The following SOS1 variants were observed in gnomAD, a reference collection of about 807,000 sequenced individuals.
SOS1 encodes the protein SOS Ras/Rac guanine nucleotide exchange factor 1, also known as son of sevenless homolog 1.
SOS1 carries 25 observed loss-of-function variants against 157.6 expected under a neutral mutation model. The ratio of observed to expected loss-of-function variants is 0.16; its 90% CI spans 0.12 to 0.22. The LOEUF (loss-of-function observed/expected upper bound fraction) is 0.22. Ranked by LOEUF, SOS1 falls within the 10% of genes least tolerant of loss-of-function variation. The pLI, the probability that SOS1 is intolerant of heterozygous loss-of-function variation, is 1.00. For missense variants in SOS1, 1,237 were observed against 1,599.1 expected, an observed-to-expected ratio of 0.77 and a Z score of 3.86; for synonymous variants, 528 against 534.0, an observed-to-expected ratio of 0.99 and a Z score of 0.16.
At chr2:39,004,083 G>A (rs1669200778) in intron 17 of SOS1, among the ~76,000 whole-genome samples, 1 of 152,156 alleles carries the variant, frequency 6.6e-6, no homozygotes, top group African/African-American at 2.4e-5. Flanking sequence ...AACTGTGGCA[G>A]GGGTATAGGA....
At chr2:39,034,681 A>G in intron 8 of SOS1, 2 of 361,454 alleles carry the variant, frequency 5.5e-6, no homozygotes, top group Non-Finnish European at 1.1e-5. Context: ...ATTTTTACTG[A>G]GATTACAGAA....
At chr2:39,036,383 C>T (rs1670344189) in intron 6 of SOS1, among the ~76,000 whole-genome samples, 1 of 152,080 alleles carries the variant, frequency 6.6e-6, no homozygotes, top group African/African-American at 2.4e-5. Flanking sequence ...CTTGGTCTTA[C>T]TCTGTCACCC....
At position 39,064,741 on chromosome 2, in the gene SOS1, C is replaced by CTTTT. The variant is rs1558496540; in HGVS notation, c.213+2886_213+2887insAAAA. Among the ~76,000 whole-genome samples the CTTTT allele has an allele frequency of 1.6e-3, 80 of 49,010 alleles. 1 individual carries two copies. The highest frequency in any genetic ancestry group is 7.3e-3 in the Admixed American group (29 of 3,998). 32.2% of individuals were successfully genotyped at this position (49,010 alleles called of 152,430 possible). A position where few individuals can be genotyped will look rare whatever the true frequency, so the allele number is the denominator to read the frequency against. On this transcript the variant is annotated intron_variant, in intron 2 of 22. Coordinates refer to ENST00000402219, the MANE Select transcript of SOS1 (RefSeq NM_005633.4). ...TTCAGATTGATCTATTTTTAAAATA[C>CTTTT]ATTTTTTTTTTTTTTTTTTTTTTTG...
At chr2:39,103,505 T>A in intron 1 of SOS1, among the ~76,000 whole-genome samples, 1 of 152,218 alleles carries the variant, frequency 6.6e-6, no homozygotes, top group East Asian at 1.9e-4. Context: ...GATACATCTA[T>A]GACCAACTGA....
intron 1 of SOS1, among the ~76,000 whole-genome samples, chr2:39,109,875 G>T (rs1040782450): frequency 6.6e-5 from 10 of 152,084 alleles, no homozygotes; most frequent in African/African-American, 2.4e-4. Context: ...CATTCAAAAA[G>T]ATCTAGAAAT....
At chr2:39,083,112 A>C (rs1672264641) in intron 1 of SOS1, among the ~76,000 whole-genome samples, 1 of 152,186 alleles carries the variant, frequency 6.6e-6, no homozygotes, top group Non-Finnish European at 1.5e-5. Context: ...TTACATTTCT[A>C]GAGCAATGTT....
chr2:38,986,208 G>A lies in SOS1; in HGVS notation c.3618C>T (p.Asp1206=). 1.2e-6 allele frequency: 2 copies of A among 1,613,918 alleles called. No homozygotes were observed. The highest frequency in any genetic ancestry group is 1.7e-6 in the Non-Finnish European group (2 of 1,179,900). Residue 1206 remains aspartate, a synonymous_variant, in exon 23 of 23, where the codon GAC becomes GAT. Coordinates refer to ENST00000402219, the MANE Select transcript of SOS1 (RefSeq NM_005633.4). ...YSISDRTSIS[D]PPESPPLLPP... is the part of the protein sequence containing the mutation. ...GTAATAAGGGAGGGCTTTCAGGAGG[G>A]TCTGAGATAGAGGTCCGGTCTGATA...
At chr2:39,002,660 G>A (rs181109847) in intron 17 of SOS1, among the ~76,000 whole-genome samples, 5 of 152,294 alleles carry the variant, frequency 3.3e-5, no homozygotes, top group Admixed American at 3.3e-4. Context: ...TATATCCAGA[G>A]CCTTTCCAGT....
intron 1 of SOS1, among the ~76,000 whole-genome samples, chr2:39,099,853 C>G (rs1392805870): frequency 6.6e-6 from 1 of 152,156 alleles, no homozygotes; most frequent in Non-Finnish European, 1.5e-5. Flanking sequence ...ATGCTCCTGC[C>G]TCAGCCTCTG....
chr2:38,995,270 T>G lies in SOS1; in HGVS notation c.3199A>C (p.Arg1067=). 1 of 1,614,006 alleles carries G rather than the reference T, an allele frequency of 6.2e-7. No homozygotes were observed. Among genetic ancestry groups the G allele is most frequent in the Non-Finnish European group, 8.5e-7 (1 of 1,179,906 alleles). ...CTTTCTGTTTCACTTTCAGGGATCC[T>G]ACTATAACTAATTTTCCTTGGCTCC... ...QQEPRKISYS[R]IPESETESTA... is the part of the protein sequence containing the mutation. The change falls in exon 20 of 23, where the codon AGG becomes CGG. Residue 1067 remains arginine, a synonymous_variant. Transcript: ENST00000402219.
intron 1 of SOS1, among the ~76,000 whole-genome samples, chr2:39,097,218 A>G (rs192258927): frequency 6.6e-6 from 1 of 152,266 alleles, no homozygotes; most frequent in African/African-American, 2.4e-5. Context: ...CCATGACTAT[A>G]TAACACTTTA....
intron 17 of SOS1, among the ~76,000 whole-genome samples, chr2:39,001,976 A>T (rs1295013310): frequency 6.6e-6 from 1 of 152,234 alleles, no homozygotes; most frequent in African/African-American, 2.4e-5. Context: ...AAAACACCTT[A>T]TGAAATCATA....
chr2:39,010,605 T>G lies in SOS1; in HGVS notation c.2489A>C (p.Asn830Thr). 5.0e-6 allele frequency: 8 copies of G among 1,610,970 alleles called. No homozygotes were observed. The highest frequency in any genetic ancestry group is 1.1e-5 in the South Asian group (1 of 91,014). Residue 830 changes from asparagine to threonine, a missense_variant, in exon 15 of 23, where the codon AAC becomes ACC. Physicochemically the swap from Asn to Thr is moderately conservative, Grantham distance 65. Coordinates refer to ENST00000402219, the MANE Select transcript of SOS1 (RefSeq NM_005633.4). ...NLLKMIRHTTNLTLWFEKCIV... is the reference protein window; with the variant it reads ...NLLKMIRHTTTLTLWFEKCIV... ...TTACTTCTCAAACCACAGAGTGAGG[T>G]TGGTGGTATGTCGAATCATTTTCAG...
At chr2:38,987,442 A>C in intron 22 of SOS1, 31 bp downstream of exon 22, 1 of 1,144,270 alleles carries the variant, frequency 8.7e-7, no homozygotes, top group Non-Finnish European at 1.3e-6. Flanking sequence ...TAATGATTCC[A>C]ATTTCTACAC....
chr2:39,014,623 G>A (rs1288731180), intron 11 of SOS1, 142 bp downstream of exon 11: 10 of 471,944 alleles, frequency 2.1e-5, no homozygotes, highest in Non-Finnish European at 3.9e-5. Flanking sequence ...TAAAATAAAT[G>A]TTCATCTAAG....
intron 20 of SOS1, among the ~76,000 whole-genome samples, chr2:38,990,387 C>G (rs556403296): frequency 1.3e-5 from 2 of 152,050 alleles, no homozygotes; most frequent in Admixed American, 6.6e-5. Flanking sequence ...TCTAATATTA[C>G]CTTTCAGAAG....
chr2:39,003,185 A>T (rs888469938), intron 17 of SOS1, among the ~76,000 whole-genome samples: 1 of 152,100 alleles, frequency 6.6e-6, no homozygotes, highest in Admixed American at 6.5e-5. Flanking sequence ...CTTTTTGGAG[A>T]AAAAGTAAAT....
At chr2:39,053,047 G>A (rs2124600293) in intron 5 of SOS1, among the ~76,000 whole-genome samples, 1 of 152,232 alleles carries the variant, frequency 6.6e-6, no homozygotes, top group East Asian at 1.9e-4. Flanking sequence ...CAGCTACACG[G>A]GAGGCTGAGG....
At chr2:39,081,363 T>C (rs1304203713) in intron 1 of SOS1, among the ~76,000 whole-genome samples, 1 of 150,956 alleles carries the variant, frequency 6.6e-6, no homozygotes, top group African/African-American at 2.4e-5. Flanking sequence ...CTAATAAAAA[T>C]ACAAAAATTA....
Sources: allele counts gnomAD v4.1 joint callset (sites outside exome capture counted in the v4.1 genomes callset), GRCh38; gene constraint gnomAD v4.1.1; transcripts MANE v1.5; gene names NCBI Gene and HGNC (gene_info 2026-07-23, HGNC 2026-07-21).